Variants in SPTBN4 observed in about 807,000 individuals in gnomAD.
SPTBN4 encodes spectrin beta, non-erythrocytic 4, also known as spectrin beta chain, non-erythrocytic 4.
SPTBN4 carries 96 observed loss-of-function variants against 277.8 expected under a neutral mutation model. The ratio of observed to expected loss-of-function variants is 0.35; its 90% CI spans 0.29 to 0.41. The LOEUF is 0.41. Among genes scored for constraint, SPTBN4 ranks in the 10% least tolerant of loss-of-function variants. SPTBN4 has a pLI of 1.00. For missense variants in SPTBN4, 3,006 were observed against 3,595.7 expected (o/e 0.84, Z 4.19); for synonymous variants, 1,481 against 1,580.3 (o/e 0.94, Z 1.49).
chr19:40,528,942 C>G (rs1484153952), intron 17 of SPTBN4, 99 bp from the exon 18 acceptor site: 8 of 874,118 alleles, frequency 9.2e-6, no homozygotes, highest in Non-Finnish European at 1.5e-5. Context: ...TTTCCACGCC[C>G]TTCTTCCCCT....
At chr19:40,559,931 A>G (rs1381901711) in intron 26 of SPTBN4, among the ~76,000 whole-genome samples, 1 of 152,272 alleles carries the variant, frequency 6.6e-6, no homozygotes, top group Non-Finnish European at 1.5e-5. Context: ...TCTCAGACCA[A>G]AAGAAATCAG....
rs1434908361 is a variant in SPTBN4 at position 40,512,963 on chromosome 19, T to C, written c.2174T>C (p.Leu725Pro). 2 of 1,412,372 alleles carry C rather than the reference T, an allele frequency of 1.4e-6. No homozygotes were observed. The highest frequency in any genetic ancestry group is 1.8e-6 in the Non-Finnish European group (2 of 1,093,362). The allele number at this position is 1,412,372 out of a possible 1,614,324, so 87.5% of individuals were successfully genotyped here. A position where few individuals can be genotyped will look rare whatever the true frequency, so the allele number is the denominator to read the frequency against. ...LQQALRCGEE[L>P]VAAGGAVGPG... ...CAGGCCCTGCGGTGTGGCGAGGAGC[T>C]GGTTGCGGCCGGCGGTGCCGTCGGC... Residue 725 changes from leucine (L) to proline (P), a missense_variant, in exon 14 of 36, where the codon CTG (leucine) becomes CCG (proline). Physicochemically the swap from Leu to Pro is moderately conservative, Grantham distance 98. Transcript: ENST00000598249.
Position 40,502,778 on chromosome 19 carries a change from T to C in SPTBN4, c.1207T>C (p.Trp403Arg), listed in dbSNP as rs750318017. The C allele has an allele frequency of 1.2e-6, 2 of 1,613,516 alleles. No individual in the cohort carries two copies. The highest frequency in any genetic ancestry group is 1.7e-6 in the Non-Finnish European group (2 of 1,179,852). Residue 403 changes from tryptophan to arginine, a missense_variant, in exon 11 of 36, where the codon TGG (tryptophan) becomes CGG (arginine). Physicochemically the swap from Trp to Arg is moderately radical, Grantham distance 101. Around this residue, in one of 5 missense-constraint regions of SPTBN4, gnomAD observed 1,759 missense variants for 2,061.5 expected, o/e 0.85. Coordinates refer to ENST00000598249, the MANE Select transcript of SPTBN4 (RefSeq NM_020971.3). The surrounding 1 kb of genome is among the most constrained non-coding windows in gnomAD (Gnocchi z 4.9). ...TGCCTCCTCCCATCTCCTGCAGGCA[T>C]GGGGTGAGCTGGAGAAGGCTGAGCA... is the stretch of plus-strand genomic sequence containing the variant. The part of the protein sequence containing the change: ...GCGIWDIDKA[W>R]GELEKAEHER...
chr19:40,529,635 G>A (rs1419863831), intron 18 of SPTBN4, among the ~76,000 whole-genome samples: 1 of 152,106 alleles, frequency 6.6e-6, no homozygotes, highest in African/African-American at 2.4e-5. Context: ...CCCCTAATCC[G>A]AGATGGTCCA....
At position 40,516,553 on chromosome 19, in the gene SPTBN4, G is replaced by A. The variant is rs112366596; in HGVS notation, c.2903+1105G>A. Among the ~76,000 whole-genome samples the A allele has an allele frequency of 7.5e-3, 1,146 of 152,232 alleles. 13 individuals are homozygous for A. Among genetic ancestry groups the A allele is most frequent in the African/African-American group, 0.025 (1,055 of 41,538 alleles). ...CAACTCCTGGGCTCGGCTGGGCGTG[G>A]TAGCTCACACCTGTAATCCCAGCAC... is the stretch of plus-strand genomic sequence containing the variant. On this transcript the variant is annotated intron_variant, in intron 15 of 35. Transcript: ENST00000598249.
rs766944172 is a variant in SPTBN4, at chr19:40,560,492, G to A, written c.5915+89G>A. On this transcript the variant is annotated intron_variant, in intron 27 of 35. Coordinates refer to ENST00000598249, the MANE Select transcript of SPTBN4 (RefSeq NM_020971.3). The surrounding 1 kb of genome is among the most constrained non-coding windows in gnomAD (Gnocchi z 5.2). ...CCCATTGACAGCCCCCTTCTCAATG[G>A]AATGACAACAGCCAATATCTGTGTG... The A allele has an allele frequency of 7.5e-6, 12 of 1,601,204 alleles. No individual in the cohort carries two copies. The highest frequency in any genetic ancestry group is 1.0e-5 in the Non-Finnish European group (12 of 1,172,684).
intron 7 of SPTBN4, among the ~76,000 whole-genome samples, chr19:40,498,607 G>A (rs1025625256): frequency 2.4e-4 from 36 of 151,224 alleles, no homozygotes; most frequent in African/African-American, 6.8e-4. Flanking sequence ...GGGTTTCACC[G>A]TGTTAGCCAG....
chr19:40,498,999 G>T (rs2080233977), intron 7 of SPTBN4, among the ~76,000 whole-genome samples: 1 of 151,904 alleles, frequency 6.6e-6, no homozygotes, highest in Non-Finnish European at 1.5e-5. Context: ...ACCGTGCCTG[G>T]ACGTTTTATT....
chr19:40,498,102 C>T (rs2145840548), intron 7 of SPTBN4, among the ~76,000 whole-genome samples: 1 of 152,142 alleles, frequency 6.6e-6, no homozygotes, highest in South Asian at 2.1e-4. Flanking sequence ...TTCGCCCTAG[C>T]CCATCCCCAT....
rs1272494972 is a variant in SPTBN4 at position 40,502,518 on chromosome 19, G to C, written c.1203+11G>C. ...TGGGATATTGACAAGGTGAGGCCGG[G>C]GATGCAGGGGAGAGGCGGGGTTGCA... On this transcript the variant is annotated intron_variant, in intron 10 of 35. Coordinates refer to ENST00000598249, the MANE Select transcript of SPTBN4 (RefSeq NM_020971.3). The surrounding 1 kb of genome is among the most constrained non-coding windows in gnomAD (Gnocchi z 4.9). 1.2e-6 allele frequency: 2 copies of C among 1,605,792 alleles called. No individual in the cohort carries two copies. Among genetic ancestry groups the C allele is most frequent in the Non-Finnish European group, 1.7e-6 (2 of 1,176,504 alleles).
intron 16 of SPTBN4, among the ~76,000 whole-genome samples, chr19:40,522,176 G>A (rs1319458676): frequency 6.6e-6 from 1 of 151,680 alleles, no homozygotes; most frequent in African/African-American, 2.4e-5. Context: ...ACAGGCACGT[G>A]CCACCATGCC....
rs947641459 is a variant in SPTBN4, at chr19:40,467,207, T to TGGGCC, written c.-94_-90dup. Reference sequence around the variant, plus strand: ...CCGGCGGGGCCGAGCTGAGCCGGGCTGGGCCGGGCCGGGCCGGGCCGGGCA... The same window carrying TGGGCC: ...CCGGCGGGGCCGAGCTGAGCCGGGCTGGGCCGGGCCGGGCCGGGCCGGGCCGGGCA... On this transcript the variant is annotated 5_prime_UTR_variant, in exon 1 of 36. Transcript: ENST00000598249. The TGGGCC allele has an allele frequency of 2.3e-4, 34 of 148,932 alleles. No homozygotes were observed. The East Asian group carries it at 3.0e-3, about 13-fold the overall frequency. The allele number at this position is 148,932 out of a possible 1,614,324, so 9.2% of individuals were successfully genotyped here.
At chr19:40,508,691 G>T (rs1269151603) in intron 13 of SPTBN4, among the ~76,000 whole-genome samples, 1 of 151,962 alleles carries the variant, frequency 6.6e-6, no homozygotes, top group Non-Finnish European at 1.5e-5. Flanking sequence ...TCATCTCAAA[G>T]AAATATATAT....
At chr19:40,489,756 G>A (rs1048606285) in intron 3 of SPTBN4, among the ~76,000 whole-genome samples, 29 of 149,532 alleles carry the variant, frequency 1.9e-4, no homozygotes, top group Admixed American at 5.3e-4. Flanking sequence ...TGAGACTATG[G>A]GCTAGGAGGG....
At chr19:40,571,857 A>G (rs1480816783) in intron 33 of SPTBN4, 162 bp from the exon 34 acceptor site, 3 of 700,950 alleles carry the variant, frequency 4.3e-6, no homozygotes, top group Non-Finnish European at 6.6e-6. Context: ...CAGGGCAGCA[A>G]CAGCCTTAAG....
intron 5 of SPTBN4, among the ~76,000 whole-genome samples, 170 bp from the exon 6 acceptor site, chr19:40,494,727 C>T (rs1362259328): frequency 6.6e-6 from 1 of 151,938 alleles, no homozygotes; most frequent in African/African-American, 2.4e-5. Flanking sequence ...GTGTATCTAC[C>T]TATCTCTCTC....
chr19:40,573,338 G>C (rs2081171587), intron 35 of SPTBN4, among the ~76,000 whole-genome samples: 1 of 152,150 alleles, frequency 6.6e-6, no homozygotes, highest in South Asian at 2.1e-4. Flanking sequence ...GGGTGATCTA[G>C]GTAGAGGGAA....
Position 40,504,148 on chromosome 19 carries a change from CGGG to C in SPTBN4, c.1665+18_1665+20del. 18 of 645,716 alleles carry C rather than the reference CGGG, an allele frequency of 2.8e-5. No homozygotes were observed. The highest frequency in any genetic ancestry group is 7.5e-5 in the African/African-American group (1 of 13,340). The allele number at this position is 645,716 out of a possible 1,614,324, so 40.0% of individuals were successfully genotyped here. A position where few individuals can be genotyped will look rare whatever the true frequency, so the allele number is the denominator to read the frequency against. On this transcript the variant is annotated intron_variant, in intron 12 of 35. Coordinates refer to ENST00000598249, the MANE Select transcript of SPTBN4 (RefSeq NM_020971.3). ...GGAGATGCAGGTGCCGGCGGGGGGG[CGGG>C]GATGCGGGTGGAGTGCCAGGAGGGA...
chr19:40,572,409 G>A, intron 35 of SPTBN4, 29 bp downstream of exon 35: 1 of 1,614,036 alleles, frequency 6.2e-7, no homozygotes, highest in East Asian at 2.2e-5. Flanking sequence ...CTCCCTCTGT[G>A]TGGACCTCAG....
Sources: allele counts gnomAD v4.1 joint callset (sites outside exome capture counted in the v4.1 genomes callset), GRCh38; gene constraint gnomAD v4.1.1; regional missense constraint gnomAD v4.1.1; non-coding constraint Gnocchi (gnomAD v3.1); transcripts MANE v1.5; gene names NCBI Gene and HGNC (gene_info 2026-07-23, HGNC 2026-07-21).